Variants in TPTE2 observed in about 807,000 individuals in gnomAD.
TPTE2 encodes transmembrane phosphoinositide 3-phosphatase and tensin homolog 2.
Under a neutral mutation model 78.6 loss-of-function variants are expected in TPTE2, and 53 were observed. That is an observed-to-expected ratio of 0.67 (90% CI 0.54 to 0.85). TPTE2 has a LOEUF of 0.85. TPTE2 is among the 40% of genes least tolerant of loss of function. TPTE2 has a pLI of 0.00. For synonymous variants in TPTE2, 175 were observed against 206.2 expected (o/e 0.85, Z 1.30); for missense variants, 461 against 623.0 (o/e 0.74, Z 2.77).
At chr13:19,446,236 T>C (rs56020335) in intron 13 of TPTE2, among the ~76,000 whole-genome samples, 1 of 152,182 alleles carries the variant, frequency 6.6e-6, no homozygotes, top group African/African-American at 2.4e-5. Flanking sequence ...AAAATGATTT[T>C]AAAATTGAAT....
At chr13:19,425,590 G>A (rs565916406) in intron 18 of TPTE2, 38 of 357,466 alleles carry the variant, frequency 1.1e-4, no homozygotes, top group Non-Finnish European at 1.6e-4. Flanking sequence ...CCCATACTCC[G>A]CAGGGACCAT....
Position 19,503,223 on chromosome 13 carries a change from C to T in TPTE2, c.11+1G>A. 3 of 1,613,714 alleles carry T rather than the reference C, an allele frequency of 1.9e-6. No homozygotes were observed. The highest frequency in any genetic ancestry group is 2.5e-6 in the Non-Finnish European group (3 of 1,179,714). ...TAAAGACACATGTATGCATAACTCA[C>T]CTTTCATTCATACGTGCCTCTGGGT... On this transcript the variant is annotated splice_donor_variant, in intron 1 of 19. Coordinates refer to ENST00000400230, the Ensembl canonical transcript of TPTE2. LOFTEE classifies it high-confidence loss of function.
Position 19,532,059 on chromosome 13 carries a change from CA to C in TPTE2, c.-44+4536del, listed in dbSNP as rs570772228. Among the ~76,000 whole-genome samples, 651 of 152,274 alleles carry C rather than the reference CA, an allele frequency of 4.3e-3. 5 individuals carry two copies. Among genetic ancestry groups the C allele is most frequent in the South Asian group, 0.023 (111 of 4,824 alleles). On this transcript the variant is annotated intron_variant, in intron 1 of 17. Transcript: ENST00000390680. ...GCCAAAATGCTACTTTTATTATGAA[CA>C]AAGCTGATTTGGGAGAATGCAGCTT...
At chr13:19,533,921 C>A (rs1186178433) in intron 1 of TPTE2, among the ~76,000 whole-genome samples, 1 of 152,178 alleles carries the variant, frequency 6.6e-6, no homozygotes, top group Non-Finnish European at 1.5e-5. Context: ...AAGCTAACTG[C>A]GGTATTTATT....
intron 11 of TPTE2, 68 bp downstream of exon 14, chr13:19,451,093 GCAAA>G (rs1878146802): frequency 1.3e-6 from 2 of 1,559,018 alleles, no homozygotes; most frequent in African/African-American, 2.8e-5. Flanking sequence ...AATCTAAAAA[GCAAA>G]ATCATCTTCT....
intron 1 of TPTE2, among the ~76,000 whole-genome samples, chr13:19,517,174 C>T (rs889314056): frequency 4.6e-5 from 7 of 152,162 alleles, no homozygotes; most frequent in African/African-American, 1.7e-4. Flanking sequence ...GGGGTCTGTT[C>T]GGCTGCCAGA....
chr13:19,435,807 A>G (rs1304479970), intron 15 of TPTE2, among the ~76,000 whole-genome samples: 6 of 148,690 alleles, frequency 4.0e-5, no homozygotes, highest in African/African-American at 1.0e-4. Flanking sequence ...GAGTCATCCA[A>G]AAACAGTCTT....
chr13:19,449,781 A>G (rs1593361994), intron 13 of TPTE2, among the ~76,000 whole-genome samples: 1 of 152,296 alleles, frequency 6.6e-6, no homozygotes, highest in African/African-American at 2.4e-5. Flanking sequence ...TTTGAGAGAT[A>G]TAAACTGGCA....
At chr13:19,500,658 A>C (rs1156442434) in intron 1 of TPTE2, among the ~76,000 whole-genome samples, 1 of 152,142 alleles carries the variant, frequency 6.6e-6, no homozygotes, top group Non-Finnish European at 1.5e-5. Context: ...TTTCAAAATA[A>C]TAAGAGCTAT....
intron 3 of TPTE2, among the ~76,000 whole-genome samples, chr13:19,484,182 G>A (rs1178286089): frequency 6.6e-6 from 1 of 152,116 alleles, no homozygotes; most frequent in African/African-American, 2.4e-5. Context: ...TTGTTTCAAG[G>A]AATTCTTAAA....
At chr13:19,495,554 T>G (rs1881255256) in intron 1 of TPTE2, among the ~76,000 whole-genome samples, 1 of 152,214 alleles carries the variant, frequency 6.6e-6, no homozygotes, top group Admixed American at 6.5e-5. Context: ...CTGAGAGGAC[T>G]CTAGAAATAG....
intron 6 of TPTE2, among the ~76,000 whole-genome samples, chr13:19,473,393 C>G (rs1879743258): frequency 6.6e-6 from 1 of 152,098 alleles, no homozygotes; most frequent in African/African-American, 2.4e-5. Flanking sequence ...TTTTATTGTG[C>G]TACGGCTGAG....
the TPTE2 span, chr13:19,560,747 C>A: frequency 6.8e-7 from 1 of 1,477,510 alleles, no homozygotes; most frequent in East Asian, 2.3e-5. Context: ...GCCAGGGGCC[C>A]AGCAGGGAAG....
At chr13:19,453,965 G>C (rs372954568) in intron 10 of TPTE2, among the ~76,000 whole-genome samples, 4 of 152,074 alleles carry the variant, frequency 2.6e-5, no homozygotes, top group East Asian at 3.9e-4. Flanking sequence ...TCCACCTTTG[G>C]GTTTTCCTAA....
chr13:19,433,004 C>T (rs1876788849), intron 15 of TPTE2, among the ~76,000 whole-genome samples: 1 of 152,200 alleles, frequency 6.6e-6, no homozygotes, highest in African/African-American at 2.4e-5. Context: ...TACCTCCAAA[C>T]CTCAGTAGCA....
chr13:19,487,408 G>C (rs1416809767), intron 3 of TPTE2, among the ~76,000 whole-genome samples: 1 of 152,206 alleles, frequency 6.6e-6, no homozygotes, highest in Non-Finnish European at 1.5e-5. Context: ...GGCCTGCAAG[G>C]CTGTTTCTCA....
chr13:19,491,807 A>T (rs1305893005), intron 3 of TPTE2, among the ~76,000 whole-genome samples: 6 of 152,196 alleles, frequency 3.9e-5, no homozygotes, highest in Non-Finnish European at 7.3e-5. Flanking sequence ...CTTGGGCAAC[A>T]GCGAGACTTC....
intron 13 of TPTE2, among the ~76,000 whole-genome samples, chr13:19,447,605 A>G (rs779963005): frequency 1.2e-4 from 18 of 152,150 alleles, no homozygotes; most frequent in Non-Finnish European, 2.1e-4. Context: ...AAACTAGTCA[A>G]TAAGACTAAA....
At chr13:19,524,671 T>C (rs1870390163) in intron 1 of TPTE2, among the ~76,000 whole-genome samples, 1 of 152,080 alleles carries the variant, frequency 6.6e-6, no homozygotes, top group South Asian at 2.1e-4. Context: ...AAAATAGAGA[T>C]CAACACTATG....
Sources: gnomAD v4.1 joint callset for allele counts (sites outside exome capture counted in the v4.1 genomes callset) on GRCh38, gnomAD v4.1.1 for gene constraint, MANE v1.5 for transcripts, NCBI Gene and HGNC (gene_info 2026-07-23, HGNC 2026-07-21) for gene names.